Variants in TBC1D1 observed in about 807,000 individuals in gnomAD.
The protein encoded by TBC1D1 is TBC1 (tre-2/USP6, BUB2, cdc16) domain family, member 1.
A neutral mutation model predicts 125.6 loss-of-function variants in TBC1D1; 89 were observed. The ratio of observed to expected loss-of-function variants is 0.71; its 90% CI spans 0.60 to 0.85. The LOEUF (loss-of-function observed/expected upper bound fraction) is 0.85. Ranked by LOEUF, TBC1D1 falls within the 40% of genes least tolerant of loss-of-function variation. The pLI is 0.00. For synonymous variants in TBC1D1, 565 were observed against 564.1 expected, an observed-to-expected ratio of 1.00 and a Z score of -0.02; for missense variants, 1,377 against 1,469.2, an observed-to-expected ratio of 0.94 and a Z score of 1.03.
chr4:38,006,682 T>C (rs529650915), intron 2 of TBC1D1: 4 of 280,026 alleles, frequency 1.4e-5, no homozygotes, highest in East Asian at 1.1e-4. Flanking sequence ...GGTTTCACCA[T>C]GTTAGCCAGG....
chr4:38,041,483 CAT>C (rs994155423), intron 8 of TBC1D1, among the ~76,000 whole-genome samples: 3 of 152,190 alleles, frequency 2.0e-5, no homozygotes. Context: ...AAACATTTCA[CAT>C]GAGTCTATAA....
chr4:38,135,924 A>ATG (rs57275262), intron 19 of TBC1D1, among the ~76,000 whole-genome samples: 13,977 of 144,946 alleles, frequency 0.096, 852 homozygotes, highest in East Asian at 0.28. Context: ...GTGTGTGTAT[A>ATG]TGTGTGTGTG....
chr4:38,009,970 A>G (rs1415444450), intron 2 of TBC1D1, among the ~76,000 whole-genome samples: 9 of 152,246 alleles, frequency 5.9e-5, no homozygotes, highest in African/African-American at 1.9e-4. Flanking sequence ...TGACGTAGAT[A>G]CTATTGCTCC....
chr4:37,938,077 C>T (rs1724769849), intron 2 of TBC1D1, among the ~76,000 whole-genome samples: 1 of 152,088 alleles, frequency 6.6e-6, no homozygotes, highest in Admixed American at 6.6e-5. Flanking sequence ...GAGAGTTCTG[C>T]TCTTCTTAAA....
chr4:38,095,842 C>T, intron 13 of TBC1D1, 87 bp from the exon 16 acceptor site: 8 of 1,371,062 alleles, frequency 5.8e-6, no homozygotes, highest in Middle Eastern at 1.9e-4. Context: ...GACGTCTCAG[C>T]GGGATAACAA....
intron 12 of TBC1D1, among the ~76,000 whole-genome samples, chr4:38,056,645 C>T (rs1219631865): frequency 6.6e-6 from 1 of 151,902 alleles, no homozygotes; most frequent in Non-Finnish European, 1.5e-5. Flanking sequence ...CCTGTCTCTA[C>T]AAAAAAATAA....
At position 38,062,113 on chromosome 4, in the gene TBC1D1, A is replaced by G. The variant is rs73810096; in HGVS notation, c.2050+7775A>G. 4.8e-3 allele frequency among the ~76,000 whole-genome samples: 734 copies of G among 152,174 alleles called. 7 individuals are homozygous for G. The highest frequency in any genetic ancestry group is 0.017 in the African/African-American group (709 of 41,498). The stretch of plus-strand genomic sequence containing the variant: ...GTCTGGGCCTGAATTCTTTCTTTTT[A>G]GACTCCTCAGGATTCTGATTGCTGC... On this transcript the variant is annotated intron_variant, in intron 12 of 19. Coordinates refer to ENST00000261439, the MANE Select transcript of TBC1D1 (RefSeq NM_015173.4).
At chr4:37,899,197 A>G (rs922946894) in intron 1 of TBC1D1, among the ~76,000 whole-genome samples, 6 of 151,762 alleles carry the variant, frequency 4.0e-5, no homozygotes, top group Admixed American at 2.0e-4. Context: ...TAGGATGAAG[A>G]AGGGATCTGA....
At chr4:38,069,622 TTACTA>T (rs1754353434) in intron 12 of TBC1D1, among the ~76,000 whole-genome samples, 1 of 152,146 alleles carries the variant, frequency 6.6e-6, no homozygotes, top group Non-Finnish European at 1.5e-5. Context: ...AGCTTGCTTG[TTACTA>T]TATGCAGTCA....
At chr4:37,963,482 A>G (rs1166835811) in intron 2 of TBC1D1, among the ~76,000 whole-genome samples, 1 of 152,130 alleles carries the variant, frequency 6.6e-6, no homozygotes, top group Non-Finnish European at 1.5e-5. Flanking sequence ...GTAAAACCCC[A>G]TCTCTACTAA....
chr4:38,028,138 A>G (rs1252554065), intron 7 of TBC1D1, among the ~76,000 whole-genome samples: 1 of 151,780 alleles, frequency 6.6e-6, no homozygotes. Flanking sequence ...AACAAAAAAA[A>G]CAGCAAAAAA....
intron 2 of TBC1D1, among the ~76,000 whole-genome samples, chr4:37,982,425 G>T (rs1734518069): frequency 6.6e-6 from 1 of 152,130 alleles, no homozygotes; most frequent in African/African-American, 2.4e-5. Flanking sequence ...AATAAGGAGG[G>T]GAGAACTCCT....
chr4:38,118,110 C>T lies in TBC1D1; in HGVS notation c.2880C>T (p.Ile960=), dbSNP rs548753227. The change falls in exon 17 of 20, where the codon ATC becomes ATT. Residue 960 remains isoleucine, a synonymous_variant. Coordinates refer to ENST00000261439, the MANE Select transcript of TBC1D1 (RefSeq NM_015173.4). ...ACAATCACCTGGAGGAGCACGAGAT[C>T]GGCCCCAGCCTCTACGCTGCCCCCT... is the stretch of plus-strand genomic sequence containing the variant. 56 of 1,614,180 alleles carry T rather than the reference C, an allele frequency of 3.5e-5. No homozygotes were observed. In the East Asian group the frequency reaches 1.0e-3, roughly 30 times the overall value.
At chr4:38,049,952 C>G in intron 11 of TBC1D1, 54 bp downstream of exon 11, 40 of 1,540,374 alleles carry the variant, frequency 2.6e-5, no homozygotes, top group Non-Finnish European at 3.5e-5. Context: ...CTGTGACTAG[C>G]CAGGTATGTG....
chr4:37,901,618 TG>T (rs1204386438), intron 1 of TBC1D1, among the ~76,000 whole-genome samples: 6 of 152,264 alleles, frequency 3.9e-5, no homozygotes, highest in African/African-American at 1.4e-4. Context: ...CTAGACTACC[TG>T]GGCGAGTCTT....
chr4:38,097,781 A>G (rs137974488), intron 14 of TBC1D1, among the ~76,000 whole-genome samples: 1,910 of 152,300 alleles, frequency 0.013, 29 homozygotes, highest in African/African-American at 0.044. Flanking sequence ...CCCGGCCTGC[A>G]TATGCATTTT....
intron 19 of TBC1D1, among the ~76,000 whole-genome samples, chr4:38,135,594 G>A (rs552116931): frequency 6.6e-6 from 1 of 152,340 alleles, no homozygotes; most frequent in Admixed American, 6.5e-5. Context: ...GGGCTTCAAA[G>A]TGATGAGGGT....
chr4:38,011,153 A>G (rs146608579), intron 2 of TBC1D1, among the ~76,000 whole-genome samples: 3,474 of 152,212 alleles, frequency 0.023, 56 homozygotes, highest in Middle Eastern at 0.054. Context: ...GGAGTTCAAG[A>G]CCAGCCTGAC....
At chr4:37,968,377 G>T (rs1286946400) in intron 2 of TBC1D1, among the ~76,000 whole-genome samples, 2 of 152,226 alleles carry the variant, frequency 1.3e-5, no homozygotes, top group Non-Finnish European at 2.9e-5. Context: ...AATTTTGCAA[G>T]GCTTTTGGAT....
Sources: gnomAD v4.1 joint callset for allele counts (sites outside exome capture counted in the v4.1 genomes callset) on GRCh38, gnomAD v4.1.1 for gene constraint, MANE v1.5 for transcripts, NCBI Gene and HGNC (gene_info 2026-07-23, HGNC 2026-07-21) for gene names.